Variants in GADD45A observed in about 807,000 individuals in gnomAD.
GADD45A encodes the protein growth arrest and DNA damage inducible alpha.
A neutral mutation model predicts 17.7 loss-of-function variants in GADD45A; 9 were observed. The ratio of observed to expected loss-of-function variants is 0.51; its 90% CI spans 0.31 to 0.89. The LOEUF is 0.89. Among genes scored for constraint, GADD45A ranks in the 40% least tolerant of loss-of-function variants. The pLI is 0.05. For synonymous variants in GADD45A, 95 were observed against 92.2 expected (o/e 1.03, Z -0.17); for missense variants, 149 against 220.6 (o/e 0.68, Z 2.06).
At chr1:67,685,857 G>C (rs1646129130) in intron 1 of GADD45A, 168 bp from the exon 2 acceptor site, 2 of 594,528 alleles carry the variant, frequency 3.4e-6, no homozygotes, top group Non-Finnish European at 5.9e-6. Context: ...TGGGCGTGCA[G>C]GGGTCATGGG....
Position 67,688,063 on chromosome 1 carries a change from G to T in GADD45A, c.*289G>T. 6.9e-6 allele frequency: 2 copies of T among 290,558 alleles called. No individual in the cohort carries two copies. Among genetic ancestry groups the T allele is most frequent in the East Asian group, 1.2e-4 (2 of 16,716 alleles). 18.0% of individuals were successfully genotyped at this position (290,558 alleles called of 1,614,324 possible). A position where few individuals can be genotyped will look rare whatever the true frequency, so the allele number is the denominator to read the frequency against. On this transcript the variant is annotated 3_prime_UTR_variant, in exon 4 of 4. Coordinates refer to ENST00000370986, the MANE Select transcript of GADD45A (RefSeq NM_001924.4). ...GAAAACTATGTATTAATTTAGAATGGTTGAGTTACATTAAAATAAACCAAA... is the reference window on the plus strand; with the variant it reads ...GAAAACTATGTATTAATTTAGAATGTTTGAGTTACATTAAAATAAACCAAA...
At position 67,685,448 on chromosome 1, in the gene GADD45A, C is replaced by T. The variant is rs781378656; in HGVS notation, c.-47C>T. 4 of 1,570,792 alleles carry T rather than the reference C, an allele frequency of 2.5e-6. No individual in the cohort carries two copies. The highest frequency in any genetic ancestry group is 2.7e-5 in the African/African-American group (2 of 74,026). Reference sequence around the variant, plus strand: ...GCCCGCGCGCTAGCCGTGGCAGGAGCAGCCCGCACGCCGCGCTCTCTCCCT... The same window carrying T: ...GCCCGCGCGCTAGCCGTGGCAGGAGTAGCCCGCACGCCGCGCTCTCTCCCT... On this transcript the variant is annotated 5_prime_UTR_variant, in exon 1 of 4. Transcript: ENST00000370986.
rs2100644472 is a variant in GADD45A at position 67,685,382 on chromosome 1, G to A, written c.-113G>A. On this transcript the variant is annotated 5_prime_UTR_variant, in exon 1 of 4. Coordinates refer to ENST00000370986, the MANE Select transcript of GADD45A (RefSeq NM_001924.4). Reference sequence around the variant, plus strand: ...GCGGCCGGAGAGCGCCAGGGCCTGAGCTGCCGGAGCGGCGCCTGTGAGTGA... The same window carrying A: ...GCGGCCGGAGAGCGCCAGGGCCTGAACTGCCGGAGCGGCGCCTGTGAGTGA... 2 of 999,618 alleles carry A rather than the reference G, an allele frequency of 2.0e-6. No homozygotes were observed. Among genetic ancestry groups the A allele is most frequent in the South Asian group, 1.5e-5 (1 of 67,140 alleles). The allele number at this position is 999,618 out of a possible 1,614,324, so 61.9% of individuals were successfully genotyped here.
chr1:67,687,731 A>G lies in GADD45A; in HGVS notation c.455A>G (p.Tyr152Cys), dbSNP rs754171479. ...QLICFCRESR[Y>C]MDQWVPVINL... ...ATTTGTTTTTGCCGGGAAAGTCGCT[A>G]CATGGATCAATGGGTTCCAGTGATT... Residue 152 changes from tyrosine to cysteine, a missense_variant, in exon 4 of 4, where the codon TAC becomes TGC. Coordinates refer to ENST00000370986, the MANE Select transcript of GADD45A (RefSeq NM_001924.4). 5 of 1,612,948 alleles carry G rather than the reference A, an allele frequency of 3.1e-6. No individual in the cohort carries two copies. Among genetic ancestry groups the G allele is most frequent in the Non-Finnish European group, 4.2e-6 (5 of 1,179,558 alleles).
rs1295621699 is a variant in GADD45A, at chr1:67,687,895, CTGAG to C, written c.*127_*130del. ...GATTACAGAAACTGATGCCAAGGGGCTGAGTGAGTTCAACTACATGTTCTGGGGG... is the reference window on the plus strand; with the variant it reads ...GATTACAGAAACTGATGCCAAGGGGCTGAGTTCAACTACATGTTCTGGGGG... On this transcript the variant is annotated 3_prime_UTR_variant, in exon 4 of 4. Transcript: ENST00000370986. 4 of 651,486 alleles carry C rather than the reference CTGAG, an allele frequency of 6.1e-6. No individual in the cohort carries two copies. The highest frequency in any genetic ancestry group is 5.4e-5 in the African/African-American group (3 of 55,878). 40.4% of individuals were successfully genotyped at this position (651,486 alleles called of 1,614,324 possible). A position where few individuals can be genotyped will look rare whatever the true frequency, so the allele number is the denominator to read the frequency against.
Position 67,685,217 on chromosome 1 carries a change from TGGCTGGGAGGCAGC to T in GADD45A, c.-274_-261del. Reference sequence around the variant, plus strand: ...TTGTCCTCCAGTGGCTGGTAGGCAGTGGCTGGGAGGCAGCGGCCCAATTAGTGTCGTGCGGCCCG... The same window carrying T: ...TTGTCCTCCAGTGGCTGGTAGGCAGTGGCCCAATTAGTGTCGTGCGGCCCG... On this transcript the variant is annotated 5_prime_UTR_variant, in exon 1 of 4. Coordinates refer to ENST00000370986, the MANE Select transcript of GADD45A (RefSeq NM_001924.4). 1 of 463,394 alleles carries T rather than the reference TGGCTGGGAGGCAGC, an allele frequency of 2.2e-6. No homozygotes were observed. The highest frequency in any genetic ancestry group is 3.0e-5 in the South Asian group (1 of 33,890). The allele number at this position is 463,394 out of a possible 1,614,324, so 28.7% of individuals were successfully genotyped here.
At chr1:67,685,594 C>G (rs1646127468) in intron 1 of GADD45A, 56 bp downstream of exon 1, 4 of 1,541,992 alleles carry the variant, frequency 2.6e-6, no homozygotes, top group South Asian at 2.3e-5. Context: ...CCCCGCGCTC[C>G]CCGGTGCAGC....
chr1:67,685,235 C>G lies in GADD45A; in HGVS notation c.-260C>G, dbSNP rs983682675. On this transcript the variant is annotated 5_prime_UTR_variant, in exon 1 of 4. Coordinates refer to ENST00000370986, the MANE Select transcript of GADD45A (RefSeq NM_001924.4). ...TAGGCAGTGGCTGGGAGGCAGCGGC[C>G]CAATTAGTGTCGTGCGGCCCGTGGC... 2 of 484,108 alleles carry G rather than the reference C, an allele frequency of 4.1e-6. No individual in the cohort carries two copies. Among genetic ancestry groups the G allele is most frequent in the Non-Finnish European group, 3.6e-6 (1 of 275,514 alleles). 30.0% of individuals were successfully genotyped at this position (484,108 alleles called of 1,614,324 possible). A position where few individuals can be genotyped will look rare whatever the true frequency, so the allele number is the denominator to read the frequency against.
chr1:67,687,060 T>A (rs1280665314), intron 3 of GADD45A, among the ~76,000 whole-genome samples: 1 of 151,572 alleles, frequency 6.6e-6, no homozygotes, highest in Non-Finnish European at 1.5e-5. Flanking sequence ...TTCTCTGCAA[T>A]CTTGCATTTT....
rs750150962 is a variant in GADD45A at position 67,686,100 on chromosome 1, G to A, written c.120G>A (p.Val40=). ...ALSQRTITVG[V]YEAAKLLNVD... is the part of the protein sequence containing the mutation. ...GTCAGCGCACGATCACTGTCGGGGTGTACGAAGCGGCCAAGCTGCTCAACG... is the reference window on the plus strand; with the variant it reads ...GTCAGCGCACGATCACTGTCGGGGTATACGAAGCGGCCAAGCTGCTCAACG... Residue 40 remains valine, a synonymous_variant, in exon 2 of 4, where the codon GTG becomes GTA. Transcript: ENST00000370986. The A allele has an allele frequency of 1.2e-6, 2 of 1,610,806 alleles. No homozygotes were observed. Among genetic ancestry groups the A allele is most frequent in the Admixed American group, 1.7e-5 (1 of 59,712 alleles).
rs1646124317 is a variant in GADD45A, at chr1:67,685,305, T to A, written c.-190T>A. 1.9e-6 allele frequency: 1 copy of A among 529,766 alleles called. No homozygotes were observed. The highest frequency in any genetic ancestry group is 2.1e-5 in the African/African-American group (1 of 48,486). The allele number at this position is 529,766 out of a possible 1,614,324, so 32.8% of individuals were successfully genotyped here. A position where few individuals can be genotyped will look rare whatever the true frequency, so the allele number is the denominator to read the frequency against. On this transcript the variant is annotated 5_prime_UTR_variant, in exon 1 of 4. Coordinates refer to ENST00000370986, the MANE Select transcript of GADD45A (RefSeq NM_001924.4). ...GAGCGAGCAAGCAAGGCGGGAGGGG[T>A]GGCCGGAGCTGCGGCGGCTGGCACA... is the stretch of plus-strand genomic sequence containing the variant.
Position 67,685,493 on chromosome 1 carries a change from A to G in GADD45A, c.-2A>G, listed in dbSNP as rs552237514. 8.7e-6 allele frequency: 14 copies of G among 1,610,268 alleles called. No individual in the cohort carries two copies. Among genetic ancestry groups the G allele is most frequent in the African/African-American group, 4.0e-5 (3 of 74,876 alleles). ...CTCCCTGGGCGACCTGCAGTTTGCA[A>G]TATGACTTTGGAGGAATTCTCGGCT... On this transcript the variant is annotated 5_prime_UTR_variant, in exon 1 of 4. Transcript: ENST00000370986.
chr1:67,686,024 G>A lies in GADD45A; in HGVS notation c.45-1G>A, dbSNP rs1443163578. The A allele has an allele frequency of 6.2e-6, 10 of 1,600,964 alleles. No homozygotes were observed. The highest frequency in any genetic ancestry group is 1.7e-5 in the Admixed American group (1 of 57,996). ...GACCCCTCGCCCTTGCCCGCGTGTAGGATGGATAAGGTGGGGGATGCCCTG... is the reference window on the plus strand; with the variant it reads ...GACCCCTCGCCCTTGCCCGCGTGTAAGATGGATAAGGTGGGGGATGCCCTG... On this transcript the variant is annotated splice_acceptor_variant, in intron 1 of 3. Transcript: ENST00000370986. LOFTEE classifies it high-confidence loss of function.
intron 2 of GADD45A, 35 bp downstream of exon 2, chr1:67,686,161 C>T (rs1343649918): frequency 6.5e-7 from 1 of 1,544,180 alleles, no homozygotes; most frequent in Admixed American, 1.8e-5. Flanking sequence ...CCATGGCACC[C>T]CTTCCCGCCC....
At chr1:67,686,315 C>T in intron 2 of GADD45A, 35 bp from the exon 3 acceptor site, 1 of 1,591,662 alleles carries the variant, frequency 6.3e-7, no homozygotes, top group Non-Finnish European at 8.6e-7. Flanking sequence ...GGCGCCCGCG[C>T]TTCTGCGCTC....
At chr1:67,686,263 CG>C in intron 2 of GADD45A, 86 bp from the exon 3 acceptor site, 2 of 1,385,452 alleles carry the variant, frequency 1.4e-6, no homozygotes, top group African/African-American at 1.5e-5. Flanking sequence ...AGGGGGCGAG[CG>C]GGCCGGGCGG....
chr1:67,686,646 G>C, intron 3 of GADD45A, 59 bp downstream of exon 3: 1 of 1,456,896 alleles, frequency 6.9e-7, no homozygotes, highest in Middle Eastern at 2.2e-4. Context: ...GGGAGTCAGG[G>C]CTGGGTTGCC....
intron 3 of GADD45A, 54 bp downstream of exon 3, chr1:67,686,641 T>A (rs760855889): frequency 8.1e-5 from 121 of 1,496,434 alleles, no homozygotes; most frequent in Admixed American, 4.1e-4. Context: ...AGGACGGGAG[T>A]CAGGGCTGGG....
intron 1 of GADD45A, 40 bp from the exon 2 acceptor site, chr1:67,685,985 A>C: frequency 7.1e-7 from 1 of 1,401,548 alleles, no homozygotes; most frequent in South Asian, 1.2e-5. Flanking sequence ...CCCCGAGGGC[A>C]CCGGGGCTGA....
Sources: gnomAD v4.1 joint callset for allele counts (sites outside exome capture counted in the v4.1 genomes callset) on GRCh38, gnomAD v4.1.1 for gene constraint, MANE v1.5 for transcripts, NCBI Gene and HGNC (gene_info 2026-07-23, HGNC 2026-07-21) for gene names.